The following FCHSD2 variants were observed in gnomAD, a reference collection of about 807,000 sequenced individuals.
FCHSD2 encodes the protein FCH and double SH3 domains 2.
FCHSD2 carries 38 observed loss-of-function variants against 108.1 expected under a neutral mutation model. That is an observed-to-expected ratio of 0.35 (90% CI 0.27 to 0.46). The LOEUF is 0.46. FCHSD2 is among the 20% of genes least tolerant of loss of function. The pLI, the probability that FCHSD2 is intolerant of heterozygous loss-of-function variation, is 1.00. For synonymous variants in FCHSD2, 279 were observed against 314.7 expected, an observed-to-expected ratio of 0.89 and a Z score of 1.20; for missense variants, 751 against 897.8, an observed-to-expected ratio of 0.84 and a Z score of 2.09.
At chr11:73,055,788 G>A (rs1377826605) in intron 3 of FCHSD2, among the ~76,000 whole-genome samples, 6 of 152,056 alleles carry the variant, frequency 3.9e-5, no homozygotes, top group African/African-American at 7.2e-5. Context: ...GACAAACATC[G>A]TGATTCCATT....
intron 3 of FCHSD2, among the ~76,000 whole-genome samples, chr11:73,043,376 T>G (rs746899622): frequency 6.6e-6 from 1 of 152,232 alleles, no homozygotes; most frequent in Non-Finnish European, 1.5e-5. Context: ...TCCACTTTTC[T>G]GGGCAACCTG....
intron 12 of FCHSD2, among the ~76,000 whole-genome samples, chr11:72,873,121 A>T (rs1220187612): frequency 6.6e-6 from 1 of 151,950 alleles, no homozygotes. Context: ...CCAGGTCAGG[A>T]GTTTGAGACC....
At chr11:73,056,185 A>G (rs1362823384) in intron 3 of FCHSD2, among the ~76,000 whole-genome samples, 1 of 152,184 alleles carries the variant, frequency 6.6e-6, no homozygotes, top group East Asian at 1.9e-4. Flanking sequence ...TAATAGGTTA[A>G]GCGTCTTGTT....
At chr11:73,088,970 C>T (rs573717143) in intron 2 of FCHSD2, among the ~76,000 whole-genome samples, 1 of 152,078 alleles carries the variant, frequency 6.6e-6, no homozygotes, top group African/African-American at 2.4e-5. Context: ...AGCTTTTGTA[C>T]CCTTGATGTG....
chr11:73,077,412 T>C (rs971645383), intron 3 of FCHSD2, among the ~76,000 whole-genome samples: 1 of 152,138 alleles, frequency 6.6e-6, no homozygotes, highest in African/African-American at 2.4e-5. Flanking sequence ...CTATATCTAG[T>C]GTTGAGGAAG....
At chr11:73,131,883 G>A (rs1427099008) in intron 2 of FCHSD2, among the ~76,000 whole-genome samples, 1 of 152,102 alleles carries the variant, frequency 6.6e-6, no homozygotes, top group Non-Finnish European at 1.5e-5. Flanking sequence ...TTTAGCATAT[G>A]CATAATAAAA....
chr11:72,902,597 G>A lies in FCHSD2; in HGVS notation c.870C>T (p.Asn290=), dbSNP rs754385653. The part of the protein sequence containing the change: ...DYNLQLFLQE[N]AVFHKPQPFQ... ...AGGGCTGGGGTTTGTGAAATACAGCGTTTTCTTGCAAAAACAGCTGAAGAT... is the reference window on the plus strand; with the variant it reads ...AGGGCTGGGGTTTGTGAAATACAGCATTTTCTTGCAAAAACAGCTGAAGAT... The change falls in exon 10 of 20, where the codon AAC becomes AAT. Residue 290 remains asparagine, a synonymous_variant. Coordinates refer to ENST00000409418, the MANE Select transcript of FCHSD2 (RefSeq NM_014824.3). 18 of 1,586,662 alleles carry A rather than the reference G, an allele frequency of 1.1e-5. No homozygotes were observed. The highest frequency in any genetic ancestry group is 3.6e-5 in the Admixed American group (2 of 55,684).
chr11:72,913,835 C>A (rs10898890), intron 9 of FCHSD2, among the ~76,000 whole-genome samples: 138,212 of 145,728 alleles, frequency 0.95, 65,739 homozygotes, highest in East Asian at 0.99. Flanking sequence ...AAAAAAAAAA[C>A]AAAAAAAAAA....
rs1860786133 is a variant in FCHSD2 at position 72,837,991 on chromosome 11, C to T, written c.*800G>A. 1 of 152,090 alleles carries T rather than the reference C, an allele frequency of 6.6e-6. No individual in the cohort carries two copies. Among genetic ancestry groups the T allele is most frequent in the Non-Finnish European group, 1.5e-5 (1 of 68,020 alleles). 9.4% of individuals were successfully genotyped at this position (152,090 alleles called of 1,614,324 possible). ...CTGTAAAAATTAAGATGAAAAATAC[C>T]CAAATACAAAAGAACATTATATTGG... On this transcript the variant is annotated 3_prime_UTR_variant, in exon 20 of 20. Transcript: ENST00000409418.
intron 8 of FCHSD2, among the ~76,000 whole-genome samples, chr11:72,933,304 A>G (rs766249343): frequency 1.8e-4 from 27 of 152,190 alleles, no homozygotes; most frequent in Non-Finnish European, 1.9e-4. Flanking sequence ...TCTTCCTACC[A>G]AGCAGATAGT....
At chr11:72,944,241 C>T (rs1385236593) in intron 8 of FCHSD2, among the ~76,000 whole-genome samples, 1 of 152,112 alleles carries the variant, frequency 6.6e-6, no homozygotes, top group Admixed American at 6.5e-5. Context: ...AAGGCTGGTT[C>T]AACATACTCA....
In FCHSD2 at chr11:72,992,508, T is replaced by C. The variant is rs183894886; in HGVS notation, c.388-3411A>G. Among the ~76,000 whole-genome samples, 731 of 152,232 alleles carry C rather than the reference T, an allele frequency of 4.8e-3. 4 individuals are homozygous for C. The highest frequency in any genetic ancestry group is 0.017 in the African/African-American group (709 of 41,526). ...CATCACACTACCTGACTTCAAACTA[T>C]ACTACAAGGCTACGGTAACCAAAAC... On this transcript the variant is annotated intron_variant, in intron 5 of 19. Coordinates refer to ENST00000409418, the MANE Select transcript of FCHSD2 (RefSeq NM_014824.3).
At chr11:72,938,603 G>C (rs187095780) in intron 8 of FCHSD2, among the ~76,000 whole-genome samples, 1 of 152,186 alleles carries the variant, frequency 6.6e-6, no homozygotes, top group Non-Finnish European at 1.5e-5. Context: ...CATCTCACCA[G>C]ATGGAGAAGC....
intron 12 of FCHSD2, among the ~76,000 whole-genome samples, chr11:72,869,095 C>T (rs1163637289): frequency 2.0e-5 from 3 of 151,800 alleles, no homozygotes; most frequent in Admixed American, 6.6e-5. Flanking sequence ...TTAGTAGAGG[C>T]GGGGTTTTGC....
chr11:72,982,775 C>T (rs1013197865), intron 8 of FCHSD2, among the ~76,000 whole-genome samples: 6 of 152,130 alleles, frequency 3.9e-5, no homozygotes, highest in African/African-American at 1.2e-4. Flanking sequence ...TTGTCCCGTA[C>T]GCAGCTCAAA....
chr11:73,033,182 G>A (rs937036496), intron 3 of FCHSD2, among the ~76,000 whole-genome samples: 1 of 151,936 alleles, frequency 6.6e-6, no homozygotes, highest in African/African-American at 2.4e-5. Context: ...CAGCTACTCG[G>A]GAGGCTGAGG....
chr11:72,924,704 C>G (rs1209144844), intron 8 of FCHSD2, among the ~76,000 whole-genome samples: 1 of 143,490 alleles, frequency 7.0e-6, no homozygotes, highest in East Asian at 2.0e-4. Context: ...TTTAAATACA[C>G]AAATTCTGTC....
At chr11:73,024,260 T>C (rs1245469326) in intron 3 of FCHSD2, among the ~76,000 whole-genome samples, 1 of 152,004 alleles carries the variant, frequency 6.6e-6, no homozygotes, top group Non-Finnish European at 1.5e-5. Flanking sequence ...ACCTCATAAA[T>C]GGGTATGGGG....
At chr11:72,977,786 C>A (rs1420707898) in intron 8 of FCHSD2, among the ~76,000 whole-genome samples, 5 of 152,192 alleles carry the variant, frequency 3.3e-5, no homozygotes. Flanking sequence ...CTAGAAATAC[C>A]ATTTGACCGA....
Sources: gnomAD v4.1 joint callset for allele counts (sites outside exome capture counted in the v4.1 genomes callset) on GRCh38, gnomAD v4.1.1 for gene constraint, MANE v1.5 for transcripts, NCBI Gene and HGNC (gene_info 2026-07-23, HGNC 2026-07-21) for gene names.